Variants in RELN observed in about 807,000 individuals in gnomAD.
RELN encodes reelin.
RELN carries 108 observed loss-of-function variants against 427.6 expected under a neutral mutation model. That is an observed-to-expected ratio of 0.25 (90% CI 0.22 to 0.30). RELN has a LOEUF of 0.30. Among genes scored for constraint, RELN ranks in the 10% least tolerant of loss-of-function variants. RELN has a pLI of 1.00. For missense variants in RELN, 3,715 were observed against 4,302.8 expected, an observed-to-expected ratio of 0.86 and a Z score of 3.82; for synonymous variants, 1,524 against 1,513.4, an observed-to-expected ratio of 1.01 and a Z score of -0.16.
chr7:103,760,424 T>A (rs1321507022), intron 4 of RELN, among the ~76,000 whole-genome samples: 7 of 152,236 alleles, frequency 4.6e-5, no homozygotes, highest in African/African-American at 1.7e-4. Flanking sequence ...GTTTTTTTCT[T>A]TCAACTGACT....
intron 1 of RELN, among the ~76,000 whole-genome samples, chr7:103,984,963 C>T (rs941223517): frequency 2.6e-5 from 4 of 152,152 alleles, no homozygotes; most frequent in African/African-American, 9.6e-5. Flanking sequence ...CATTAAATTG[C>T]ACTTCCTTTG....
At chr7:103,757,342 T>C (rs967122321) in intron 4 of RELN, among the ~76,000 whole-genome samples, 10 of 152,172 alleles carry the variant, frequency 6.6e-5, no homozygotes, top group African/African-American at 1.9e-4. Flanking sequence ...TAGCTCTAGA[T>C]TGAATCATTG....
chr7:103,610,732 A>G lies in RELN; in HGVS notation c.2971T>C (p.Trp991Arg). ...SIYHASEFTQWRRVIVLLPQK... is the reference protein window; with the variant it reads ...SIYHASEFTQRRRVIVLLPQK... ...GGAAGAAGCACTATGACTCTCCTCC[A>G]CTGTGTAAACTCACTGGCATGGTAA... The change falls in exon 22 of 65, where the codon TGG becomes CGG. Residue 991 changes from tryptophan (W) to arginine (R), a missense_variant. This residue lies in a region of RELN where 2,208 missense variants were observed against 2,361.7 expected (regional missense o/e 0.93). Coordinates refer to ENST00000428762, the MANE Select transcript of RELN (RefSeq NM_005045.4). The G allele has an allele frequency of 1.2e-6, 2 of 1,608,950 alleles. No individual in the cohort carries two copies. The highest frequency in any genetic ancestry group is 1.7e-6 in the Non-Finnish European group (2 of 1,175,460).
At chr7:103,602,240 TTACAGATGGGGAAGCTAAATCAC>T (rs1831688464) in intron 24 of RELN, among the ~76,000 whole-genome samples, 1 of 152,162 alleles carries the variant, frequency 6.6e-6, no homozygotes, top group Non-Finnish European at 1.5e-5. Flanking sequence ...TATCCCTGCT[TTACAGATGGGGAAGCTAAATCAC>T]CAGGAGGTTG....
At chr7:103,773,136 CTT>C (rs1791622120) in intron 4 of RELN, among the ~76,000 whole-genome samples, 1 of 98,920 alleles carries the variant, frequency 1.0e-5, no homozygotes, top group Admixed American at 1.1e-4. Flanking sequence ...TTCTTTCTTT[CTT>C]TCTTTCTTTC....
chr7:103,884,985 T>C (rs923267890), intron 2 of RELN, among the ~76,000 whole-genome samples: 3 of 152,178 alleles, frequency 2.0e-5, no homozygotes, highest in African/African-American at 7.2e-5. Flanking sequence ...TGCACACATA[T>C]GTTTCTTGCA....
Position 103,488,195 on chromosome 7 carries a change from A to T in RELN, c.9763+1547T>A, listed in dbSNP as rs563251037. Among the ~76,000 whole-genome samples, 4 of 152,188 alleles carry T rather than the reference A, an allele frequency of 2.6e-5. No individual in the cohort carries two copies. The East Asian group carries it at 7.7e-4, about 29-fold the overall frequency. On this transcript the variant is annotated intron_variant, in intron 60 of 64. Transcript: ENST00000428762. ...GTAATGAAGCTGGGATAAATAAATA[A>T]TGATAAAACTGCAAGTGTCTCTAAG...
chr7:103,887,973 G>A (rs1794761684), intron 2 of RELN, among the ~76,000 whole-genome samples: 1 of 152,100 alleles, frequency 6.6e-6, no homozygotes. Context: ...AACCCTTGGT[G>A]ACATGGATCA....
intron 26 of RELN, 75 bp from the exon 27 acceptor site, chr7:103,593,957 G>A: frequency 3.6e-6 from 4 of 1,123,748 alleles, no homozygotes; most frequent in Non-Finnish European, 5.3e-6. Flanking sequence ...TTCATTTCAT[G>A]ACATGCTGGG....
intron 6 of RELN, among the ~76,000 whole-genome samples, chr7:103,732,586 C>A (rs2299378): frequency 6.6e-6 from 1 of 151,898 alleles, no homozygotes. Flanking sequence ...GTGGTCATGG[C>A]TTCCAAGAAG....
intron 7 of RELN, among the ~76,000 whole-genome samples, chr7:103,726,516 A>T (rs1790215726): frequency 6.6e-6 from 1 of 152,134 alleles, no homozygotes; most frequent in African/African-American, 2.4e-5. Flanking sequence ...GAATATATCA[A>T]CTCTAATGCT....
At chr7:103,813,518 C>G (rs1477877181) in intron 3 of RELN, among the ~76,000 whole-genome samples, 1 of 149,992 alleles carries the variant, frequency 6.7e-6, no homozygotes, top group Non-Finnish European at 1.5e-5. Context: ...TTGTCTTATA[C>G]TTAATTTAAG....
chr7:103,477,017 T>A (rs1267899926), intron 64 of RELN, among the ~76,000 whole-genome samples: 1 of 152,204 alleles, frequency 6.6e-6, no homozygotes, highest in East Asian at 1.9e-4. Flanking sequence ...GCTTTGGTTG[T>A]GGATAGAACT....
At chr7:103,611,959 C>T (rs535038052) in intron 20 of RELN, among the ~76,000 whole-genome samples, 156 bp from the exon 21 acceptor site, 13 of 152,278 alleles carry the variant, frequency 8.5e-5, no homozygotes, top group Middle Eastern at 3.4e-3. Flanking sequence ...CTAATAAATG[C>T]AATTTGAAAC....
rs1240143522 is a variant in RELN at position 103,510,741 on chromosome 7, T to C, written c.8274+110A>G. 4.5e-6 allele frequency: 4 copies of C among 896,056 alleles called. No individual in the cohort carries two copies. The Admixed American group carries it at 8.4e-5, about 19-fold the overall frequency. The allele number at this position is 896,056 out of a possible 1,614,324, so 55.5% of individuals were successfully genotyped here. On this transcript the variant is annotated intron_variant, in intron 51 of 64. Coordinates refer to ENST00000428762, the MANE Select transcript of RELN (RefSeq NM_005045.4). ...TATTAGTTTAATAGTAAATTTTACT[T>C]TTCAAAGTATATACTAAGTCAATGA...
chr7:103,612,703 T>C (rs547303441), intron 20 of RELN, among the ~76,000 whole-genome samples: 1 of 152,244 alleles, frequency 6.6e-6, no homozygotes, highest in Non-Finnish European at 1.5e-5. Context: ...ATTTTTCAAA[T>C]GGCCTTTACT....
chr7:103,842,324 A>T (rs1793571437), intron 2 of RELN, among the ~76,000 whole-genome samples: 1 of 152,108 alleles, frequency 6.6e-6, no homozygotes, highest in African/African-American at 2.4e-5. Context: ...ATTGTAAATG[A>T]AAAAGAAAAA....
chr7:103,510,530 A>G (rs569471426), intron 51 of RELN, among the ~76,000 whole-genome samples: 1 of 152,308 alleles, frequency 6.6e-6, no homozygotes, highest in Admixed American at 6.5e-5. Flanking sequence ...TACCTAATGT[A>G]GATGACGGTT....
intron 1 of RELN, among the ~76,000 whole-genome samples, chr7:103,985,014 C>T (rs1036851415): frequency 7.2e-5 from 11 of 152,298 alleles, no homozygotes; most frequent in African/African-American, 2.4e-4. Flanking sequence ...TTTCAGAACA[C>T]GTGTGCCTTT....
Sources: gnomAD v4.1 joint callset for allele counts (sites outside exome capture counted in the v4.1 genomes callset) on GRCh38, gnomAD v4.1.1 for gene constraint, gnomAD v4.1.1 regional missense constraint, MANE v1.5 for transcripts, NCBI Gene and HGNC (gene_info 2026-07-23, HGNC 2026-07-21) for gene names.